Variants in MMP16 observed in about 807,000 individuals in gnomAD.
The protein encoded by MMP16 is matrix metalloproteinase-16.
MMP16 carries 12 observed loss-of-function variants against 67.8 expected under a neutral mutation model. The ratio of observed to expected loss-of-function variants is 0.18; its 90% CI spans 0.11 to 0.29. MMP16 has a LOEUF of 0.29. Ranked by LOEUF, MMP16 falls within the 10% of genes least tolerant of loss-of-function variation. The probability of loss-of-function intolerance (pLI) is 1.00; values close to 1 mark genes in which losing one functional copy is unlikely to be tolerated. For missense variants in MMP16, 475 were observed against 765.7 expected, an observed-to-expected ratio of 0.62 and a Z score of 4.48; for synonymous variants, 249 against 255.9, an observed-to-expected ratio of 0.97 and a Z score of 0.26.
chr8:88,238,912 G>T (rs1240425557), intron 1 of MMP16, among the ~76,000 whole-genome samples: 2 of 151,978 alleles, frequency 1.3e-5, no homozygotes, highest in African/African-American at 4.8e-5. Context: ...ATCACTTGAG[G>T]TCAAGGGTTC....
At chr8:88,082,461 G>A (rs1261837763) in intron 6 of MMP16, among the ~76,000 whole-genome samples, 2 of 151,938 alleles carry the variant, frequency 1.3e-5, no homozygotes, top group Admixed American at 6.6e-5. Context: ...ATAAAAAGAT[G>A]CAATACATTA....
chr8:88,301,420 C>A (rs1168891177), intron 1 of MMP16, among the ~76,000 whole-genome samples: 1 of 152,116 alleles, frequency 6.6e-6, no homozygotes, highest in African/African-American at 2.4e-5. Context: ...TAGCTATTTT[C>A]TTTTAATATC....
At chr8:88,244,323 AT>A (rs1187444959) in intron 1 of MMP16, among the ~76,000 whole-genome samples, 1 of 152,240 alleles carries the variant, frequency 6.6e-6, no homozygotes, top group Non-Finnish European at 1.5e-5. Flanking sequence ...AACAGGTTGC[AT>A]TACCTGCAGA....
intron 1 of MMP16, among the ~76,000 whole-genome samples, chr8:88,202,184 A>G (rs1809354283): frequency 6.6e-6 from 1 of 152,176 alleles, no homozygotes; most frequent in African/African-American, 2.4e-5. Flanking sequence ...GGCTTCTTGA[A>G]ATGGAAAGGA....
intron 3 of MMP16, among the ~76,000 whole-genome samples, chr8:88,170,961 T>C (rs986851862): frequency 2.0e-5 from 3 of 152,212 alleles, no homozygotes; most frequent in Admixed American, 6.5e-5. Flanking sequence ...TTAGTTTCAG[T>C]ATGTGTTCTG....
chr8:88,320,841 T>C (rs991995172), intron 1 of MMP16, among the ~76,000 whole-genome samples: 6 of 152,160 alleles, frequency 3.9e-5, no homozygotes, highest in Non-Finnish European at 5.9e-5. Context: ...TCGGCTCAGC[T>C]TCTGTCATGT....
rs182286683 is a variant in MMP16 at position 88,055,545 on chromosome 8, T to G, written c.1373+583A>C. On this transcript the variant is annotated intron_variant, in intron 8 of 9. Coordinates refer to ENST00000286614, the MANE Select transcript of MMP16 (RefSeq NM_005941.5). The stretch of plus-strand genomic sequence containing the variant: ...TTAAAGTAACAATTCTCTCTCATTT[T>G]GTGAACACTGTTAGCAATATCACAA... Among the ~76,000 whole-genome samples, 133 of 152,306 alleles carry G rather than the reference T, an allele frequency of 8.7e-4. 1 individual carries two copies. Among genetic ancestry groups the G allele is most frequent in the African/African-American group, 3.0e-3 (126 of 41,568 alleles).
chr8:88,040,201 A>C lies in MMP16; in HGVS notation c.*1260T>G, dbSNP rs1270446416. 2 of 152,650 alleles carry C rather than the reference A, an allele frequency of 1.3e-5. No individual in the cohort carries two copies. Among genetic ancestry groups the C allele is most frequent in the African/African-American group, 4.8e-5 (2 of 41,454 alleles). The allele number at this position is 152,650 out of a possible 1,614,324, so 9.5% of individuals were successfully genotyped here. A position where few individuals can be genotyped will look rare whatever the true frequency, so the allele number is the denominator to read the frequency against. ...CAAATAAAATTTCAGATTTATGAGA[A>C]TCTTAATAAAATACCTTTTTTATTT... On this transcript the variant is annotated 3_prime_UTR_variant, in exon 10 of 10. Coordinates refer to ENST00000286614, the MANE Select transcript of MMP16 (RefSeq NM_005941.5).
chr8:88,180,539 G>C (rs1202529074), intron 3 of MMP16, among the ~76,000 whole-genome samples: 2 of 151,752 alleles, frequency 1.3e-5, no homozygotes, highest in Non-Finnish European at 2.9e-5. Flanking sequence ...TGGGGATAAA[G>C]AGCCATTACA....
At chr8:88,072,672 G>A (rs1161236506) in intron 7 of MMP16, among the ~76,000 whole-genome samples, 1 of 152,092 alleles carries the variant, frequency 6.6e-6, no homozygotes, top group Non-Finnish European at 1.5e-5. Context: ...ATTCAGTGAT[G>A]TTGCTTTAAT....
chr8:88,212,614 C>G (rs1459624340), intron 1 of MMP16, among the ~76,000 whole-genome samples: 1 of 152,088 alleles, frequency 6.6e-6, no homozygotes, highest in Non-Finnish European at 1.5e-5. Flanking sequence ...CCCTCTGCTA[C>G]AACATTATTA....
At chr8:88,304,227 T>C (rs1811177318) in intron 1 of MMP16, among the ~76,000 whole-genome samples, 1 of 151,746 alleles carries the variant, frequency 6.6e-6, no homozygotes, top group Non-Finnish European at 1.5e-5. Context: ...CAAAGTAAGA[T>C]AGGCAGACAA....
At position 88,035,538 on chromosome 8, in the gene MMP16, GT is replaced by G. The variant is rs1808043427; in HGVS notation, c.*5922del. 6.6e-6 allele frequency: 1 copy of G among 151,930 alleles called. No homozygotes were observed. The highest frequency in any genetic ancestry group is 2.4e-5 in the African/African-American group (1 of 41,400). 9.4% of individuals were successfully genotyped at this position (151,930 alleles called of 1,614,324 possible). On this transcript the variant is annotated 3_prime_UTR_variant, in exon 10 of 10. Coordinates refer to ENST00000286614, the MANE Select transcript of MMP16 (RefSeq NM_005941.5). The surrounding 1 kb of genome is among the most constrained non-coding windows in gnomAD (Gnocchi z 4.7). ...TACTCTGCACTGACCATGAGTTCTG[GT>G]TTATGCCCTTATTTGCCTTAGAAAA...
At chr8:88,059,220 A>G (rs971630488) in intron 7 of MMP16, among the ~76,000 whole-genome samples, 13 of 152,114 alleles carry the variant, frequency 8.5e-5, no homozygotes, top group African/African-American at 3.1e-4. Context: ...GAGTATACAC[A>G]GAAGATAAAG....
intron 6 of MMP16, among the ~76,000 whole-genome samples, chr8:88,106,954 C>T (rs1024991642): frequency 1.1e-4 from 16 of 151,116 alleles, no homozygotes; most frequent in Admixed American, 9.9e-4. Context: ...TAATCCTGTA[C>T]CTTATTTAGA....
chr8:88,248,023 T>C (rs538900962), intron 1 of MMP16, among the ~76,000 whole-genome samples: 10 of 152,038 alleles, frequency 6.6e-5, no homozygotes, highest in Non-Finnish European at 1.5e-4. Context: ...TTTTTGAAAT[T>C]TCCCCAGATT....
intron 1 of MMP16, among the ~76,000 whole-genome samples, chr8:88,213,094 G>C (rs1213037820): frequency 2.6e-5 from 4 of 151,962 alleles, no homozygotes; most frequent in Non-Finnish European, 5.9e-5. Context: ...TTAAAAGATG[G>C]CCTAAAACAA....
chr8:88,154,834 A>T lies in MMP16; in HGVS notation c.709+12835T>A, dbSNP rs552187718. Among the ~76,000 whole-genome samples the T allele has an allele frequency of 1.3e-4, 19 of 150,312 alleles. No individual in the cohort carries two copies. The South Asian group carries it at 3.8e-3, about 30-fold the overall frequency. Reference sequence around the variant, plus strand: ...TATACATATGTAACTAACCTGCACAATGTGCACATGTACCCTAAAACTTAA... The same window carrying T: ...TATACATATGTAACTAACCTGCACATTGTGCACATGTACCCTAAAACTTAA... On this transcript the variant is annotated intron_variant, in intron 4 of 9. Transcript: ENST00000286614.
At chr8:88,303,549 G>A (rs752300684) in intron 1 of MMP16, among the ~76,000 whole-genome samples, 8 of 152,172 alleles carry the variant, frequency 5.3e-5, no homozygotes, top group Non-Finnish European at 1.2e-4. Flanking sequence ...ACCTCCTATA[G>A]GTGCAGTTTA....
Sources: allele counts gnomAD v4.1 joint callset (sites outside exome capture counted in the v4.1 genomes callset), GRCh38; gene constraint gnomAD v4.1.1; non-coding constraint Gnocchi (gnomAD v3.1); transcripts MANE v1.5; gene names NCBI Gene and HGNC (gene_info 2026-07-23, HGNC 2026-07-21).